KIAA1958: variants seen among roughly 807,000 people sequenced by gnomAD.
KIAA1958 encodes uncharacterized protein KIAA1958.
KIAA1958 carries 14 observed loss-of-function variants against 47.2 expected under a neutral mutation model. That is an observed-to-expected ratio of 0.30 (90% CI 0.20 to 0.46). The LOEUF is 0.46. Ranked by LOEUF, KIAA1958 falls within the 20% of genes least tolerant of loss-of-function variation. The pLI, the probability that KIAA1958 is intolerant of heterozygous loss-of-function variation, is 1.00. For missense variants in KIAA1958, 803 were observed against 909.2 expected (o/e 0.88, Z 1.50); for synonymous variants, 354 against 353.3 (o/e 1.00, Z -0.02).
Position 112,513,513 on chromosome 9 carries a change from C to T in KIAA1958, c.-25+26395C>T, listed in dbSNP as rs1474909961. On this transcript the variant is annotated intron_variant, in intron 1 of 3. Transcript: ENST00000337530. ...GCGGCTGGTGGTTGGCGCGGCTGCGCTGCGGCCCGGGGCAGTGCGGAGCCG... is the reference window on the plus strand; with the variant it reads ...GCGGCTGGTGGTTGGCGCGGCTGCGTTGCGGCCCGGGGCAGTGCGGAGCCG... Among the ~76,000 whole-genome samples, 2 of 86,888 alleles carry T rather than the reference C, an allele frequency of 2.3e-5. 1 individual carries two copies. The highest frequency in any genetic ancestry group is 4.6e-5 in the Non-Finnish European group (2 of 43,440). 57.0% of individuals were successfully genotyped at this position (86,888 alleles called of 152,430 possible).
chr9:112,521,813 A>G (rs1283084416), intron 1 of KIAA1958, among the ~76,000 whole-genome samples: 1 of 152,116 alleles, frequency 6.6e-6, no homozygotes. Flanking sequence ...TAAAAAAATC[A>G]ATAGGATACA....
At chr9:112,573,715 CTT>C (rs912243954) in intron 1 of KIAA1958, among the ~76,000 whole-genome samples, 6 of 152,304 alleles carry the variant, frequency 3.9e-5, no homozygotes, top group African/African-American at 1.4e-4. Flanking sequence ...CTGTCAGTGA[CTT>C]TGGAAGTAAA....
intron 1 of KIAA1958, among the ~76,000 whole-genome samples, chr9:112,525,535 A>G (rs1335845742): frequency 6.6e-6 from 1 of 152,220 alleles, no homozygotes; most frequent in Admixed American, 6.5e-5. Context: ...TGGTCTGTTC[A>G]TTGCTTGAAT....
intron 1 of KIAA1958, among the ~76,000 whole-genome samples, chr9:112,492,424 A>T (rs929766491): frequency 6.6e-6 from 1 of 152,210 alleles, no homozygotes; most frequent in African/African-American, 2.4e-5. Context: ...TACTTCCCCT[A>T]TAAGTCACAT....
chr9:112,634,152 G>T (rs140250421), intron 2 of KIAA1958, among the ~76,000 whole-genome samples: 1 of 152,050 alleles, frequency 6.6e-6, no homozygotes, highest in Non-Finnish European at 1.5e-5. Context: ...TGCAAATTTC[G>T]TTTTCCATTT....
In KIAA1958 at chr9:112,625,013, T is replaced by C. The variant is rs576333040; in HGVS notation, c.1172-20637T>C. ...ACCTCAAACAAATTCCCCAGAGGTC[T>C]CATGTTTCCTACCCCCTCCCCTCCT... On this transcript the variant is annotated intron_variant, in intron 2 of 3. Coordinates refer to ENST00000337530, the MANE Select transcript of KIAA1958 (RefSeq NM_133465.4). Among the ~76,000 whole-genome samples, 55 of 54,640 alleles carry C rather than the reference T, an allele frequency of 1.0e-3. 2 individuals are homozygous for C. The South Asian group carries it at 0.047, about 46-fold the overall frequency. The allele number at this position is 54,640 out of a possible 152,430, so 35.8% of individuals were successfully genotyped here.
chr9:112,497,014 G>A (rs576621462), intron 1 of KIAA1958, among the ~76,000 whole-genome samples: 1 of 152,160 alleles, frequency 6.6e-6, no homozygotes, highest in South Asian at 2.1e-4. Flanking sequence ...CACCTATTTT[G>A]TTATCCTCCC....
chr9:112,531,114 C>G (rs545444151), intron 1 of KIAA1958, among the ~76,000 whole-genome samples: 1 of 152,076 alleles, frequency 6.6e-6, no homozygotes, highest in East Asian at 1.9e-4. Context: ...AAATGTCAGG[C>G]GCTGTGGCTC....
At chr9:112,591,565 G>A (rs777189724) in intron 2 of KIAA1958, among the ~76,000 whole-genome samples, 2 of 151,496 alleles carry the variant, frequency 1.3e-5, no homozygotes, top group Non-Finnish European at 2.9e-5. Flanking sequence ...TTTAAGGAAT[G>A]TAACTGTCAT....
intron 2 of KIAA1958, among the ~76,000 whole-genome samples, chr9:112,633,715 A>G (rs974089464): frequency 6.6e-6 from 1 of 152,118 alleles, no homozygotes; most frequent in African/African-American, 2.4e-5. Flanking sequence ...AACCCTTTCA[A>G]TATACTCTTC....
intron 2 of KIAA1958, among the ~76,000 whole-genome samples, chr9:112,587,042 C>T (rs550154805): frequency 3.3e-5 from 5 of 152,258 alleles, no homozygotes; most frequent in South Asian, 2.1e-4. Context: ...GCAGGTGATC[C>T]GCTTCATTTT....
chr9:112,644,092 C>T (rs373880917), intron 2 of KIAA1958, among the ~76,000 whole-genome samples: 26 of 152,094 alleles, frequency 1.7e-4, no homozygotes, highest in African/African-American at 6.3e-4. Context: ...GCAGGAGAAT[C>T]GCGTGAACCT....
intron 2 of KIAA1958, among the ~76,000 whole-genome samples, chr9:112,588,436 C>G (rs1324596794): frequency 1.3e-5 from 2 of 152,106 alleles, no homozygotes; most frequent in African/African-American, 2.4e-5. Context: ...ATTATTAGTA[C>G]TGTATTTCAT....
chr9:112,491,396 A>G (rs1184953153), intron 1 of KIAA1958, among the ~76,000 whole-genome samples: 4 of 152,222 alleles, frequency 2.6e-5, no homozygotes, highest in Non-Finnish European at 5.9e-5. Flanking sequence ...TGGCCAACCT[A>G]GCACCAGGGA....
chr9:112,564,823 AC>A (rs1248029605), intron 1 of KIAA1958, among the ~76,000 whole-genome samples: 1 of 152,220 alleles, frequency 6.6e-6, no homozygotes, highest in African/African-American at 2.4e-5. Flanking sequence ...CTATTGTAAT[AC>A]CAGTGGCCAT....
chr9:112,640,040 A>G (rs1016802453), intron 2 of KIAA1958, among the ~76,000 whole-genome samples: 112 of 152,106 alleles, frequency 7.4e-4, no homozygotes, highest in African/African-American at 2.2e-3. Context: ...CTGTAGGCCT[A>G]TTTGTATTGC....
At chr9:112,550,819 T>G (rs1835128582) in intron 1 of KIAA1958, among the ~76,000 whole-genome samples, 1 of 152,220 alleles carries the variant, frequency 6.6e-6, no homozygotes, top group South Asian at 2.1e-4. Flanking sequence ...TGTGTGAACC[T>G]GTGCGACTGA....
At chr9:112,559,142 G>A (rs920883875) in intron 1 of KIAA1958, among the ~76,000 whole-genome samples, 8 of 152,182 alleles carry the variant, frequency 5.3e-5, no homozygotes, top group Non-Finnish European at 1.2e-4. Context: ...GTTCTTCTAC[G>A]TAGACATGTG....
chr9:112,571,160 A>G (rs898770291), intron 1 of KIAA1958, among the ~76,000 whole-genome samples: 2 of 152,236 alleles, frequency 1.3e-5, no homozygotes, highest in African/African-American at 4.8e-5. Context: ...CCTTACAGAC[A>G]CACCCCCAAA....
Sources: gnomAD v4.1 joint callset for allele counts (sites outside exome capture counted in the v4.1 genomes callset) on GRCh38, gnomAD v4.1.1 for gene constraint, MANE v1.5 for transcripts, NCBI Gene and HGNC (gene_info 2026-07-23, HGNC 2026-07-21) for gene names.